The following ZNF91 variants were observed in gnomAD, a reference collection of about 807,000 sequenced individuals.
ZNF91 encodes zinc finger protein 91.
Under a neutral mutation model 12.6 loss-of-function variants are expected in ZNF91, and 7 were observed. The ratio of observed to expected loss-of-function variants is 0.55; its 90% CI spans 0.31 to 1.04. ZNF91 has a LOEUF of 1.04. ZNF91 is among the 50% of genes least tolerant of loss of function. ZNF91 has a pLI of 0.05. For missense variants in ZNF91, 1,217 were observed against 1,385.4 expected (o/e 0.88, Z 1.93); for synonymous variants, 453 against 462.6 (o/e 0.98, Z 0.27).
chr19:23,393,179 C>T (rs1365177121), intron 1 of ZNF91, among the ~76,000 whole-genome samples: 1 of 151,940 alleles, frequency 6.6e-6, no homozygotes, highest in African/African-American at 2.4e-5. Context: ...TTTGTTTTCT[C>T]CTCAATACTA....
chr19:23,366,171 G>A (rs1026866447), intron 3 of ZNF91, among the ~76,000 whole-genome samples: 3 of 152,096 alleles, frequency 2.0e-5, no homozygotes, highest in Non-Finnish European at 4.4e-5. Flanking sequence ...TCACCTCCCG[G>A]ATGGGGTGGC....
At chr19:23,352,107 C>T (rs557259954) in intron 3 of ZNF91, among the ~76,000 whole-genome samples, 1 of 152,270 alleles carries the variant, frequency 6.6e-6, no homozygotes, top group East Asian at 1.9e-4. Context: ...AAACTAAAGC[C>T]CTGTTCTTTC....
intron 1 of ZNF91, among the ~76,000 whole-genome samples, chr19:23,329,310 T>C (rs557290809): frequency 5.3e-5 from 8 of 152,158 alleles, no homozygotes; most frequent in African/African-American, 9.7e-5. Flanking sequence ...AGACTTCGGG[T>C]AGGAAGCAAG....
In ZNF91 at chr19:23,361,010, G is replaced by A; in HGVS notation, c.1969C>T (p.Pro657Ser). 6.2e-7 allele frequency: 1 copy of A among 1,603,240 alleles called. No homozygotes were observed. The highest frequency in any genetic ancestry group is 1.3e-5 in the African/African-American group (1 of 74,674). ...KHKRIHTGEKPYKCKECGKAF... is the reference protein window; with the variant it reads ...KHKRIHTGEKSYKCKECGKAF... ...TTGCCACATTCTTTACATTTGTAGG[G>A]TTTCTCTCCAGTATGAATTCTCTTA... Residue 657 changes from proline to serine, a missense_variant, in exon 4 of 4, where the codon CCC (proline) becomes TCC (serine). Physicochemically the swap from Pro to Ser is moderately conservative, Grantham distance 74 (BLOSUM62 -1). Around this residue, in one of 2 missense-constraint regions of ZNF91, gnomAD observed 726 missense variants for 895.5 expected, o/e 0.81. Coordinates refer to ENST00000300619, the MANE Select transcript of ZNF91 (RefSeq NM_003430.4).
chr19:23,308,611 G>A (rs1464883535), intron 2 of ZNF91: 3 of 152,266 alleles, frequency 2.0e-5, no homozygotes, highest in Admixed American at 6.5e-5. Context: ...TATCATCATG[G>A]GGATTATGAC....
chr19:23,323,436 TCTTTTC>T (rs2055576619), intron 1 of ZNF91, among the ~76,000 whole-genome samples: 1 of 139,200 alleles, frequency 7.2e-6, no homozygotes, highest in Non-Finnish European at 1.5e-5. Flanking sequence ...TTCTCCCCAT[TCTTTTC>T]CTTTTTTCTC....
intron 1 of ZNF91, among the ~76,000 whole-genome samples, chr19:23,315,933 C>G (rs555304940): frequency 6.6e-6 from 1 of 152,108 alleles, no homozygotes; most frequent in Non-Finnish European, 1.5e-5. Context: ...GATGCAGCAC[C>G]TAGGGGATGT....
chr19:23,361,622 T>C lies in ZNF91; in HGVS notation c.1357A>G (p.Lys453Glu), dbSNP rs754466052. Residue 453 changes from lysine to glutamate, a missense_variant, in exon 4 of 4, where the codon AAA (lysine) becomes GAA (glutamate). This residue lies in a region of ZNF91 where 726 missense variants were observed against 895.5 expected (regional missense o/e 0.81). Transcript: ENST00000300619. ...FNWSSSLTKH[K>E]RFHTREKPFK... is the part of the protein sequence containing the mutation. ...GGTTTCTCTCTAGTATGAAATCTTT[T>C]ATGTTTAGTAAGGCTTGAGGACCAG... 3.1e-6 allele frequency: 5 copies of C among 1,613,826 alleles called. No individual in the cohort carries two copies. In the South Asian group the frequency reaches 3.3e-5, roughly 11 times the overall value.
chr19:23,359,372 G>A lies in ZNF91; in HGVS notation c.*31C>T, dbSNP rs537967627. The A allele has an allele frequency of 1.0e-4, 76 of 761,676 alleles. No homozygotes were observed. The highest frequency in any genetic ancestry group is 1.5e-4 in the Non-Finnish European group (71 of 479,216). 47.2% of individuals were successfully genotyped at this position (761,676 alleles called of 1,614,324 possible). ...CGCATAGCTGGGACTACAGGCGCCC[G>A]CCACCACGCCCGGCTAATTTTTTGT... On this transcript the variant is annotated 3_prime_UTR_variant, in exon 4 of 4. Coordinates refer to ENST00000300619, the MANE Select transcript of ZNF91 (RefSeq NM_003430.4).
rs1402572255 is a variant in ZNF91, at chr19:23,359,812, CCA to C, written c.3165_3166del (p.Cys1055TrpfsTer14). 6.2e-7 allele frequency: 1 copy of C among 1,613,720 alleles called. No individual in the cohort carries two copies. The highest frequency in any genetic ancestry group is 8.5e-7 in the Non-Finnish European group (1 of 1,179,944). On this transcript the variant is annotated frameshift_variant, in exon 4 of 4. Coordinates refer to ENST00000300619, the MANE Select transcript of ZNF91 (RefSeq NM_003430.4). LOFTEE classifies it low-confidence loss of function (END_TRUNC). ...GGTTGAGGATGATATAAATGCTTTGCCACATTCTTCACACTTGTAAGGTTTCT... is the reference window on the plus strand; with the variant it reads ...GGTTGAGGATGATATAAATGCTTTGCCATTCTTCACACTTGTAAGGTTTCT...
At chr19:23,395,108 G>A (rs1266437097) in intron 1 of ZNF91, among the ~76,000 whole-genome samples, 1 of 152,184 alleles carries the variant, frequency 6.6e-6, no homozygotes, top group Non-Finnish European at 1.5e-5. Context: ...CCAGGACACA[G>A]TCACTGGGCA....
chr19:23,344,875 C>T (rs1968190974), intron 3 of ZNF91, among the ~76,000 whole-genome samples: 1 of 152,208 alleles, frequency 6.6e-6, no homozygotes, highest in Non-Finnish European at 1.5e-5. Context: ...CACATACCCC[C>T]TGAAGATCCA....
At chr19:23,365,250 T>G (rs1405949897) in intron 3 of ZNF91, among the ~76,000 whole-genome samples, 2 of 151,410 alleles carry the variant, frequency 1.3e-5, no homozygotes, top group Non-Finnish European at 2.9e-5. Flanking sequence ...AATAAAAAAT[T>G]TCCAAAATAA....
intron 3 of ZNF91, among the ~76,000 whole-genome samples, chr19:23,351,177 T>C (rs1257222273): frequency 6.6e-6 from 1 of 151,776 alleles, no homozygotes; most frequent in Non-Finnish European, 1.5e-5. Flanking sequence ...ACACAAAAAT[T>C]AGCTGGGCAT....
At chr19:23,387,029 T>C (rs919362911) in intron 1 of ZNF91, among the ~76,000 whole-genome samples, 1 of 152,110 alleles carries the variant, frequency 6.6e-6, no homozygotes, top group African/African-American at 2.4e-5. Context: ...AAGACAAACA[T>C]TTGGCTAACA....
intron 1 of ZNF91, among the ~76,000 whole-genome samples, chr19:23,389,654 A>G (rs1231071886): frequency 6.6e-6 from 1 of 152,132 alleles, no homozygotes; most frequent in African/African-American, 2.4e-5. Context: ...CAGCCTGTGT[A>G]GAGTGCACAG....
At chr19:23,367,171 A>T (rs1969051926) in intron 3 of ZNF91, among the ~76,000 whole-genome samples, 1 of 152,212 alleles carries the variant, frequency 6.6e-6, no homozygotes, top group Non-Finnish European at 1.5e-5. Flanking sequence ...CTTTGTTTGT[A>T]GTCCCAACTA....
chr19:23,338,117 T>C (rs1261165600), downstream of ZNF91: 5 of 152,068 alleles, frequency 3.3e-5, no homozygotes, highest in African/African-American at 2.4e-5. Context: ...ACTCTAGCAA[T>C]AGAATTAGAC....
chr19:23,369,587 T>C (rs971874478), intron 3 of ZNF91, among the ~76,000 whole-genome samples: 7 of 152,118 alleles, frequency 4.6e-5, no homozygotes, highest in African/African-American at 1.2e-4. Context: ...GGGGAAAAGA[T>C]AGAGAAATCA....
Sources: allele counts gnomAD v4.1 joint callset (sites outside exome capture counted in the v4.1 genomes callset), GRCh38; gene constraint gnomAD v4.1.1; regional missense constraint gnomAD v4.1.1; transcripts MANE v1.5; gene names NCBI Gene and HGNC (gene_info 2026-07-23, HGNC 2026-07-21).